Variants in PRDM15 observed in about 807,000 individuals in gnomAD.
The protein encoded by PRDM15 is PR domain zinc finger protein 15.
PRDM15 carries 64 observed loss-of-function variants against 128.6 expected under a neutral mutation model. The observed-to-expected ratio is 0.50, with a 90% CI of 0.41 to 0.61. The LOEUF (loss-of-function observed/expected upper bound fraction) is 0.61, where lower values mean the gene tolerates loss of function less well. Ranked by LOEUF, PRDM15 falls within the 20% of genes least tolerant of loss-of-function variation. The pLI is 0.00. For missense variants in PRDM15, 1,242 were observed against 1,569.1 expected (o/e 0.79, Z 3.52); for synonymous variants, 615 against 621.8 (o/e 0.99, Z 0.16).
intron 18 of PRDM15, 66 bp downstream of exon 18, chr21:41,819,516 C>CT (rs987123894): frequency 1.9e-6 from 3 of 1,556,232 alleles, no homozygotes; most frequent in Non-Finnish European, 2.6e-6. Flanking sequence ...CTCATGTCCC[C>CT]TTCCAGCACC....
At chr21:41,878,847 G>GA in intron 1 of PRDM15, 5 of 1,009,392 alleles carry the variant, frequency 5.0e-6, no homozygotes, top group South Asian at 4.5e-5. Flanking sequence ...CCGCGGGCCG[G>GA]GGCGGCGAAG....
At chr21:41,806,051 CCACCACCAT>C (rs1601740670) in intron 21 of PRDM15, among the ~76,000 whole-genome samples, 11 of 27,332 alleles carry the variant, frequency 4.0e-4, no homozygotes, top group Admixed American at 1.4e-3. Flanking sequence ...ACCATCACCA[CCACCACCAT>C]CACCATCACC....
At chr21:41,809,713 G>T (rs1468555417) in intron 21 of PRDM15, among the ~76,000 whole-genome samples, 2 of 151,976 alleles carry the variant, frequency 1.3e-5, no homozygotes, top group African/African-American at 4.8e-5. Context: ...ATTTAATTAC[G>T]GAACATCCTG....
At chr21:41,820,682 CT>C in intron 16 of PRDM15, among the ~76,000 whole-genome samples, 1 of 152,228 alleles carries the variant, frequency 6.6e-6, no homozygotes, top group African/African-American at 2.4e-5. Flanking sequence ...GTTAGCGCCC[CT>C]GCACGGGACT....
chr21:41,815,630 CTCTT>C (rs2062022593), intron 19 of PRDM15, 71 bp downstream of exon 19: 1 of 1,576,370 alleles, frequency 6.3e-7, no homozygotes. Context: ...AGGCGGCTCT[CTCTT>C]CTCCCACGGC....
chr21:41,809,234 CTTT>C (rs71332340), intron 21 of PRDM15, among the ~76,000 whole-genome samples: 3 of 135,716 alleles, frequency 2.2e-5, no homozygotes, highest in Non-Finnish European at 1.6e-5. Flanking sequence ...CAAATTTTTT[CTTT>C]TTTTTTTTTT....
At chr21:41,840,873 G>A (rs2063055092) in intron 6 of PRDM15, among the ~76,000 whole-genome samples, 4 of 151,796 alleles carry the variant, frequency 2.6e-5, no homozygotes. Context: ...AAATAAAAAG[G>A]AGGCCCAAAA....
chr21:41,873,789 C>G (rs531225643), intron 1 of PRDM15, among the ~76,000 whole-genome samples: 2 of 152,284 alleles, frequency 1.3e-5, no homozygotes, highest in East Asian at 3.9e-4. Flanking sequence ...TTATACCTGT[C>G]ATCCCAGCAC....
rs1026306779 is a variant in PRDM15, at chr21:41,854,983, G to T, written c.286-165C>A. The stretch of plus-strand genomic sequence containing the variant: ...TGAGGTGTTTACAATAGTGAGGAGG[G>T]TCACAGGTAGACCATGTGGTTTGGA... On this transcript the variant is annotated intron_variant, in intron 4 of 23. Coordinates refer to ENST00000398548, the MANE Select transcript of PRDM15 (RefSeq NM_001040424.3). The surrounding 1 kb of genome is among the most constrained non-coding windows in gnomAD (Gnocchi z 4.6). Among the ~76,000 whole-genome samples the T allele has an allele frequency of 1.3e-5, 2 of 152,220 alleles. No individual in the cohort carries two copies. Among genetic ancestry groups the T allele is most frequent in the African/African-American group, 4.8e-5 (2 of 41,452 alleles).
chr21:41,810,031 A>C lies in PRDM15; in HGVS notation c.2652+123T>G, dbSNP rs2061811395. 2 of 967,508 alleles carry C rather than the reference A, an allele frequency of 2.1e-6. No individual in the cohort carries two copies. Among genetic ancestry groups the C allele is most frequent in the Non-Finnish European group, 3.0e-6 (2 of 658,292 alleles). The allele number at this position is 967,508 out of a possible 1,614,324, so 59.9% of individuals were successfully genotyped here. On this transcript the variant is annotated intron_variant, in intron 21 of 23. Coordinates refer to ENST00000398548, the MANE Select transcript of PRDM15 (RefSeq NM_001040424.3). This position sits in a 1 kb window ranked among gnomAD's most constrained non-coding sequence, Gnocchi z 6.4. ...GGCAGTGCCAGTCACAGACGCACCT[A>C]AGACTCAGGGCCTGCCTCCAGTACT...
At chr21:41,867,387 G>A in intron 1 of PRDM15, 1 of 1,609,248 alleles carries the variant, frequency 6.2e-7, no homozygotes, top group Non-Finnish European at 8.5e-7. Context: ...CCTGAAAGCA[G>A]TGAAAGGAAA....
At chr21:41,835,972 CACTCTCCTCCCTCCCCCACA>C (rs2062871475) in intron 10 of PRDM15, 121 bp downstream of exon 10, 1 of 349,768 alleles carries the variant, frequency 2.9e-6, no homozygotes, top group Non-Finnish European at 5.6e-6. Flanking sequence ...AGCCCCCGCC[CACTCTCCTCCCTCCCCCACA>C]GCCCCCGCCC....
At chr21:41,835,785 G>A (rs1248839869) in intron 10 of PRDM15, among the ~76,000 whole-genome samples, 1 of 99,810 alleles carries the variant, frequency 1.0e-5, no homozygotes, top group African/African-American at 3.8e-5. Flanking sequence ...GCGCTTGTGG[G>A]CATCTGACCA....
intron 22 of PRDM15, among the ~76,000 whole-genome samples, chr21:41,803,388 G>T (rs112842616): frequency 0.026 from 3,964 of 152,332 alleles, 189 homozygotes; most frequent in African/African-American, 0.09. Context: ...CGAGGGCCCA[G>T]CTGCAGTGGT....
In PRDM15 at chr21:41,859,709, A is replaced by G; in HGVS notation, c.38-24T>C. On this transcript the variant is annotated intron_variant, in intron 2 of 23. Coordinates refer to ENST00000398548, the MANE Select transcript of PRDM15 (RefSeq NM_001040424.3). This position sits in a 1 kb window ranked among gnomAD's most constrained non-coding sequence, Gnocchi z 5.3. ...CCCTGCAAGCAGACATCCGGGCATT[A>G]GAGCACCCAGGGAGGGAGACACCTA... 1 of 1,602,250 alleles carries G rather than the reference A, an allele frequency of 6.2e-7. No individual in the cohort carries two copies. The highest frequency in any genetic ancestry group is 8.5e-7 in the Non-Finnish European group (1 of 1,170,212).
chr21:41,808,468 C>G (rs768039766), intron 21 of PRDM15, among the ~76,000 whole-genome samples: 1 of 152,218 alleles, frequency 6.6e-6, no homozygotes, highest in African/African-American at 2.4e-5. Flanking sequence ...GGCGACGTCC[C>G]GGGTCACCCC....
At chr21:41,874,454 T>C (rs1273001342) in intron 1 of PRDM15, among the ~76,000 whole-genome samples, 2 of 151,184 alleles carry the variant, frequency 1.3e-5, no homozygotes, top group African/African-American at 2.4e-5. Context: ...ATAACATTTA[T>C]GTTTTTGGTC....
Position 41,836,108 on chromosome 21 carries a change from C to G in PRDM15, c.1278+5G>C, listed in dbSNP as rs756282532. The G allele has an allele frequency of 3.7e-6, 6 of 1,611,132 alleles. No homozygotes were observed. The highest frequency in any genetic ancestry group is 5.1e-6 in the Non-Finnish European group (6 of 1,177,740). On this transcript the variant is annotated splice_donor_5th_base_variant and intron_variant, in intron 10 of 23. Transcript: ENST00000398548. ...GAAGAGAACCCTGGGCTTGTTTCCA[C>G]CCACCTCGTTCCTGCTGTGCTTGTA...
chr21:41,838,912 C>A (rs929198447), intron 7 of PRDM15, among the ~76,000 whole-genome samples: 1 of 152,226 alleles, frequency 6.6e-6, no homozygotes, highest in African/African-American at 2.4e-5. Flanking sequence ...AAAAGAAAAA[C>A]TGCCCAGTGT....
Sources: gnomAD v4.1 joint callset for allele counts (sites outside exome capture counted in the v4.1 genomes callset) on GRCh38, gnomAD v4.1.1 for gene constraint, Gnocchi (gnomAD v3.1) non-coding constraint, MANE v1.5 for transcripts, NCBI Gene and HGNC (gene_info 2026-07-23, HGNC 2026-07-21) for gene names.